SEMA4D: variants seen among roughly 807,000 people sequenced by gnomAD.
The protein encoded by SEMA4D is semaphorin-4D.
SEMA4D carries 22 observed loss-of-function variants against 74.8 expected under a neutral mutation model. The ratio of observed to expected loss-of-function variants is 0.29; its 90% confidence interval spans 0.21 to 0.42. The LOEUF (loss-of-function observed/expected upper bound fraction) is 0.42, where lower values mean the gene tolerates loss of function less well. SEMA4D is among the 10% of genes least tolerant of loss of function. The pLI is 1.00. For synonymous variants in SEMA4D, 445 were observed against 463.7 expected (o/e 0.96, Z 0.52); for missense variants, 937 against 1,118.4 (o/e 0.84, Z 2.31).
chr9:89,398,783 G>A (rs1023539578), intron 5 of SEMA4D, among the ~76,000 whole-genome samples: 4 of 152,222 alleles, frequency 2.6e-5, no homozygotes, highest in Non-Finnish European at 4.4e-5. Flanking sequence ...TCCCACACTT[G>A]CTCACTCATG....
At chr9:89,472,710 C>T (rs1266741198) in intron 1 of SEMA4D, 1 of 159,810 alleles carries the variant, frequency 6.3e-6, no homozygotes, top group Non-Finnish European at 1.4e-5. Context: ...AAGGAAAAAC[C>T]CCAGGCCCTT....
intron 2 of SEMA4D, among the ~76,000 whole-genome samples, chr9:89,433,737 G>C (rs10797127): frequency 0.49 from 73,975 of 152,088 alleles, 18,318 homozygotes; most frequent in Middle Eastern, 0.64. Context: ...GGGGGCAACA[G>C]GGAGACACAA....
intron 1 of SEMA4D, among the ~76,000 whole-genome samples, chr9:89,470,156 T>A (rs914871699): frequency 1.3e-5 from 2 of 152,218 alleles, no homozygotes; most frequent in African/African-American, 4.8e-5. Flanking sequence ...AAAATTAAAA[T>A]GTTTGGCTCT....
chr9:89,473,477 G>A (rs146018710), intron 1 of SEMA4D, among the ~76,000 whole-genome samples: 70 of 152,140 alleles, frequency 4.6e-4, no homozygotes, highest in African/African-American at 1.5e-3. Context: ...GCACACCTGT[G>A]GTCCCAGCTA....
intron 2 of SEMA4D, among the ~76,000 whole-genome samples, chr9:89,452,823 G>A (rs1854937473): frequency 6.6e-6 from 1 of 152,228 alleles, no homozygotes; most frequent in Non-Finnish European, 1.5e-5. Flanking sequence ...CTGCTGCACT[G>A]TCTCTAGACT....
At chr9:89,441,731 C>T (rs938799440) in intron 2 of SEMA4D, among the ~76,000 whole-genome samples, 1 of 152,204 alleles carries the variant, frequency 6.6e-6, no homozygotes, top group African/African-American at 2.4e-5. Flanking sequence ...ATTTCAGCCC[C>T]AATACCTGTC....
chr9:89,461,700 C>CTCTCT (rs71281350), intron 1 of SEMA4D, among the ~76,000 whole-genome samples: 2 of 103,646 alleles, frequency 1.9e-5, no homozygotes, highest in Non-Finnish European at 3.8e-5. Context: ...TCTTTTTTCT[C>CTCTCT]TTTTTTTTTT....
At chr9:89,453,782 G>A (rs1855217905) in intron 2 of SEMA4D, among the ~76,000 whole-genome samples, 1 of 152,068 alleles carries the variant, frequency 6.6e-6, no homozygotes, top group Admixed American at 6.5e-5. Context: ...ACCTTATATG[G>A]GCCACTTCAC....
chr9:89,450,660 GAAAAAAAAAAAAAA>G (rs71358578), intron 2 of SEMA4D: 304 of 427,614 alleles, frequency 7.1e-4, no homozygotes, highest in East Asian at 2.3e-3. Flanking sequence ...AAAAACCCAG[GAAAAAAAAAAAAAA>G]AAAAAAAAAA....
intron 2 of SEMA4D, among the ~76,000 whole-genome samples, chr9:89,446,041 C>T (rs1269785816): frequency 6.6e-6 from 1 of 152,140 alleles, no homozygotes; most frequent in African/African-American, 2.4e-5. Flanking sequence ...ATCCTGCTTC[C>T]CAGGCAACAG....
At chr9:89,399,559 A>G (rs986658238) in intron 4 of SEMA4D, among the ~76,000 whole-genome samples, 1 of 152,244 alleles carries the variant, frequency 6.6e-6, no homozygotes, top group African/African-American at 2.4e-5. Context: ...GGAGTCTGGA[A>G]GACCAGCTCC....
intron 2 of SEMA4D, among the ~76,000 whole-genome samples, chr9:89,444,672 G>T (rs1051527757): frequency 4.6e-5 from 7 of 151,764 alleles, no homozygotes; most frequent in African/African-American, 1.7e-4. Flanking sequence ...ACGTTCAAGA[G>T]TTTAATTCAA....
chr9:89,422,713 C>T (rs1304472507), intron 2 of SEMA4D, among the ~76,000 whole-genome samples: 3 of 152,210 alleles, frequency 2.0e-5, no homozygotes, highest in Non-Finnish European at 4.4e-5. Flanking sequence ...CTTTAACCAC[C>T]AGCAGTACCC....
downstream of SEMA4D, among the ~76,000 whole-genome samples, chr9:89,376,027 C>T (rs1482259504): frequency 2.0e-5 from 3 of 152,236 alleles, no homozygotes; most frequent in East Asian, 5.8e-4. Flanking sequence ...GGGTAGAGAT[C>T]AGGTCTCGCT....
intron 2 of SEMA4D, among the ~76,000 whole-genome samples, chr9:89,421,250 C>A (rs1023844865): frequency 7.2e-5 from 11 of 152,210 alleles, no homozygotes; most frequent in Non-Finnish European, 1.6e-4. Flanking sequence ...TAAGGAAGTT[C>A]CGGAGGCAGA....
At chr9:89,473,249 C>T (rs1860870562) in intron 1 of SEMA4D, among the ~76,000 whole-genome samples, 1 of 152,182 alleles carries the variant, frequency 6.6e-6, no homozygotes, top group Non-Finnish European at 1.5e-5. Flanking sequence ...CCTGAGCAAG[C>T]AGTGCTCCAT....
chr9:89,411,641 A>G (rs1844548175), intron 2 of SEMA4D, among the ~76,000 whole-genome samples: 1 of 152,356 alleles, frequency 6.6e-6, no homozygotes, highest in African/African-American at 2.4e-5. Context: ...AATTACTCTC[A>G]TAAAATGAAT....
chr9:89,362,494 A>C, intron 18 of SEMA4D: 17 of 1,613,750 alleles, frequency 1.1e-5, no homozygotes, highest in Middle Eastern at 1.7e-4. Context: ...TCTGCAGCCC[A>C]GTCTGTCTCA....
intron 1 of SEMA4D, among the ~76,000 whole-genome samples, chr9:89,464,785 G>A (rs1011323491): frequency 4.6e-5 from 7 of 152,024 alleles, no homozygotes; most frequent in East Asian, 1.9e-4. Flanking sequence ...GGGGTCCCCC[G>A]CCTCCTGGAG....
Sources: allele counts gnomAD v4.1 joint callset (sites outside exome capture counted in the v4.1 genomes callset), GRCh38; gene constraint gnomAD v4.1.1; transcripts MANE v1.5; gene names NCBI Gene and HGNC (gene_info 2026-07-23, HGNC 2026-07-21).